Variants in FAXC observed in about 807,000 individuals in gnomAD.
FAXC encodes the protein failed axon connections homolog, metaxin like GST domain containing, also known as failed axon connections homolog.
A neutral mutation model predicts 41.9 loss-of-function variants in FAXC; 10 were observed. The observed-to-expected ratio is 0.24, with a 90% CI of 0.15 to 0.41. The LOEUF (loss-of-function observed/expected upper bound fraction) is 0.41. Ranked by LOEUF, FAXC falls within the 10% of genes least tolerant of loss-of-function variation. FAXC has a pLI of 1.00. For missense variants in FAXC, 399 were observed against 510.9 expected (o/e 0.78, Z 2.11); for synonymous variants, 183 against 183.8 (o/e 1.00, Z 0.03).
At chr6:99,338,689 T>G (rs942908687) in intron 2 of FAXC, among the ~76,000 whole-genome samples, 1 of 152,198 alleles carries the variant, frequency 6.6e-6, no homozygotes, top group South Asian at 2.1e-4. Flanking sequence ...TTCCTTCAAT[T>G]TGAGTCTCCA....
intron 2 of FAXC, chr6:99,334,690 G>C: frequency 1.7e-6 from 1 of 591,724 alleles, no homozygotes; most frequent in Non-Finnish European, 2.1e-6. Flanking sequence ...GTCATTCTCA[G>C]ATGCAATCTA....
chr6:99,327,804 T>TC (rs1562178355), intron 3 of FAXC, among the ~76,000 whole-genome samples: 1 of 152,144 alleles, frequency 6.6e-6, no homozygotes, highest in African/African-American at 2.4e-5. Context: ...CAGGAGTTTT[T>TC]CTTCACTGAC....
chr6:99,346,574 G>T (rs143596022), intron 1 of FAXC, among the ~76,000 whole-genome samples: 108,114 of 149,238 alleles, frequency 0.72, 39,967 homozygotes, highest in South Asian at 0.9. Context: ...GGGTTTTTTT[G>T]TTTGTTTTTT....
At chr6:99,288,178 TAG>T (rs1253119912) in intron 5 of FAXC, among the ~76,000 whole-genome samples, 2 of 152,224 alleles carry the variant, frequency 1.3e-5, no homozygotes, top group Non-Finnish European at 2.9e-5. Flanking sequence ...AAAAATTCTG[TAG>T]AGTCTGTGAG....
intron 4 of FAXC, among the ~76,000 whole-genome samples, chr6:99,296,729 A>G (rs1771513072): frequency 6.6e-6 from 1 of 152,176 alleles, no homozygotes; most frequent in Non-Finnish European, 1.5e-5. Flanking sequence ...TGGCAATCAG[A>G]GAGCACAGAC....
rs1269441372 is a variant in FAXC, at chr6:99,346,177, C to A, written c.266+2930G>T. Among the ~76,000 whole-genome samples, 3 of 152,134 alleles carry A rather than the reference C, an allele frequency of 2.0e-5. No individual in the cohort carries two copies. The East Asian group carries it at 5.8e-4, about 29-fold the overall frequency. ...GCCTAAATTATAAAGACTATTGAAA[C>A]CTAGATTTCACCTTAAGTGGAGGTA... is the stretch of plus-strand genomic sequence containing the variant. On this transcript the variant is annotated intron_variant, in intron 1 of 5. Coordinates refer to ENST00000389677, the MANE Select transcript of FAXC (RefSeq NM_032511.4).
intron 4 of FAXC, among the ~76,000 whole-genome samples, chr6:99,309,673 A>C (rs1218335834): frequency 6.6e-6 from 1 of 152,202 alleles, no homozygotes; most frequent in East Asian, 1.9e-4. Flanking sequence ...AAGAAGAGTT[A>C]ATGCTTTCTG....
intron 4 of FAXC, among the ~76,000 whole-genome samples, chr6:99,294,718 T>C (rs1771412274): frequency 6.6e-6 from 1 of 152,090 alleles, no homozygotes; most frequent in Non-Finnish European, 1.5e-5. Context: ...AATTTTGAAG[T>C]CTTGTAGAAT....
chr6:99,323,783 C>G lies in FAXC; in HGVS notation c.600-116G>C, dbSNP rs1371358345. On this transcript the variant is annotated intron_variant, in intron 3 of 5. Transcript: ENST00000389677. ...ACACTCTGGAGGAACTGAATAACTG[C>G]AGCTTTAATAAAGAGCAATCTGCAT... 1.3e-5 allele frequency: 10 copies of G among 748,668 alleles called. No homozygotes were observed. The Admixed American group carries it at 2.4e-4, about 18-fold the overall frequency. The allele number at this position is 748,668 out of a possible 1,614,324, so 46.4% of individuals were successfully genotyped here. A position where few individuals can be genotyped will look rare whatever the true frequency, so the allele number is the denominator to read the frequency against.
chr6:99,284,710 C>T (rs1451162663), intron 5 of FAXC, among the ~76,000 whole-genome samples: 3 of 151,906 alleles, frequency 2.0e-5, no homozygotes, highest in African/African-American at 4.8e-5. Flanking sequence ...GCCAGGAGTT[C>T]GATACCAGCC....
intron 5 of FAXC, among the ~76,000 whole-genome samples, chr6:99,289,116 C>T (rs1454530636): frequency 2.6e-5 from 4 of 152,182 alleles, no homozygotes; most frequent in Admixed American, 1.3e-4. Context: ...CATCTACATA[C>T]CCAGCCTGCT....
intron 4 of FAXC, among the ~76,000 whole-genome samples, chr6:99,293,714 C>CTGTGTG (rs72463794): frequency 1.6e-5 from 1 of 64,110 alleles, no homozygotes; most frequent in African/African-American, 5.8e-5. Context: ...GTGTGTGTGT[C>CTGTGTG]TGTGTGTGTG....
At chr6:99,291,647 C>A (rs1362009737) in intron 5 of FAXC, 57 bp downstream of exon 5, 9 of 1,244,146 alleles carry the variant, frequency 7.2e-6, no homozygotes, top group Non-Finnish European at 1.1e-5. Context: ...CTGTGCTACC[C>A]CACTGCCCAC....
At chr6:99,323,212 C>G (rs773107766) in intron 4 of FAXC, among the ~76,000 whole-genome samples, 5 of 152,210 alleles carry the variant, frequency 3.3e-5, no homozygotes, top group Non-Finnish European at 7.3e-5. Context: ...ATGTTCCATA[C>G]TCTCTTCACA....
Position 99,277,102 on chromosome 6 carries a change from G to A in FAXC, c.*4062C>T, listed in dbSNP as rs997941218. On this transcript the variant is annotated 3_prime_UTR_variant, in exon 6 of 6. Transcript: ENST00000389677. ...GGACTGGCATGAGCAGAGGCACAGAGGTGGGCCACATGAGGCTTTTTTAGG... is the reference window on the plus strand; with the variant it reads ...GGACTGGCATGAGCAGAGGCACAGAAGTGGGCCACATGAGGCTTTTTTAGG... 3 of 152,606 alleles carry A rather than the reference G, an allele frequency of 2.0e-5. No homozygotes were observed. The highest frequency in any genetic ancestry group is 7.2e-5 in the African/African-American group (3 of 41,452). 9.5% of individuals were successfully genotyped at this position (152,606 alleles called of 1,614,324 possible).
At chr6:99,291,286 G>A (rs548888343) in intron 5 of FAXC, among the ~76,000 whole-genome samples, 30 of 152,308 alleles carry the variant, frequency 2.0e-4, no homozygotes, top group African/African-American at 5.3e-4. Context: ...TCAGCCCACC[G>A]TAGTTGATGT....
intron 1 of FAXC, among the ~76,000 whole-genome samples, chr6:99,346,005 T>C (rs1773576427): frequency 6.6e-6 from 1 of 152,184 alleles, no homozygotes; most frequent in Admixed American, 6.5e-5. Flanking sequence ...TCTTCCACTC[T>C]AGAGACACAG....
intron 2 of FAXC, among the ~76,000 whole-genome samples, chr6:99,333,942 C>T (rs767536776): frequency 4.6e-5 from 7 of 152,122 alleles, no homozygotes; most frequent in Non-Finnish European, 8.8e-5. Context: ...CACAAGGAGG[C>T]CTGTATTGAC....
chr6:99,306,670 T>A (rs1351408057), intron 4 of FAXC, among the ~76,000 whole-genome samples: 1 of 152,152 alleles, frequency 6.6e-6, no homozygotes. Flanking sequence ...ATATGTAAGA[T>A]AAAGGCTAAA....
Sources: allele counts gnomAD v4.1 joint callset (sites outside exome capture counted in the v4.1 genomes callset), GRCh38; gene constraint gnomAD v4.1.1; transcripts MANE v1.5; gene names NCBI Gene and HGNC (gene_info 2026-07-23, HGNC 2026-07-21).